The following A1CF variants were observed in gnomAD, a reference collection of about 807,000 sequenced individuals.
A1CF encodes the protein APOBEC-1 stimulating protein.
Under a neutral mutation model 68.9 loss-of-function variants are expected in A1CF, and 48 were observed. The observed-to-expected ratio is 0.70, with a 90% CI of 0.55 to 0.89. The LOEUF (loss-of-function observed/expected upper bound fraction) is 0.89, where lower values mean the gene tolerates loss of function less well. A1CF is among the 40% of genes least tolerant of loss of function. The pLI, the probability that A1CF is intolerant of heterozygous loss-of-function variation, is 0.00. For missense variants in A1CF, 653 were observed against 718.9 expected, an observed-to-expected ratio of 0.91 and a Z score of 1.05; for synonymous variants, 272 against 260.4, an observed-to-expected ratio of 1.04 and a Z score of -0.43.
intron 3 of A1CF, among the ~76,000 whole-genome samples, chr10:50,844,930 C>T (rs1010867197): frequency 2.0e-5 from 3 of 152,146 alleles, no homozygotes; most frequent in Non-Finnish European, 4.4e-5. Context: ...TTCATATACA[C>T]CAACTTGAGT....
At chr10:50,871,080 A>T (rs1302155497) in intron 1 of A1CF, among the ~76,000 whole-genome samples, 1 of 151,740 alleles carries the variant, frequency 6.6e-6, no homozygotes, top group Non-Finnish European at 1.5e-5. Context: ...AGAACAAAAC[A>T]TCCTTAAATT....
intron 7 of A1CF, among the ~76,000 whole-genome samples, chr10:50,827,124 G>T (rs1588985332): frequency 6.6e-6 from 1 of 151,980 alleles, no homozygotes; most frequent in Non-Finnish European, 1.5e-5. Context: ...AGTACCCAGA[G>T]TCATAAAGCA....
intron 1 of A1CF, among the ~76,000 whole-genome samples, chr10:50,869,079 C>A (rs1008401145): frequency 6.6e-6 from 1 of 151,972 alleles, no homozygotes; most frequent in Non-Finnish European, 1.5e-5. Flanking sequence ...GCACAACAAA[C>A]CCCCATGACA....
intron 9 of A1CF, among the ~76,000 whole-genome samples, chr10:50,814,865 G>A (rs1052891543): frequency 6.6e-6 from 1 of 151,980 alleles, no homozygotes; most frequent in Non-Finnish European, 1.5e-5. Flanking sequence ...TATTCTAAAT[G>A]CATAATGTTG....
chr10:50,813,992 G>A lies in A1CF; in HGVS notation c.1188C>T (p.Tyr396=). 2.5e-6 allele frequency: 4 copies of A among 1,613,816 alleles called. No homozygotes were observed. Among genetic ancestry groups the A allele is most frequent in the Non-Finnish European group, 3.4e-6 (4 of 1,179,848 alleles). Residue 396 remains tyrosine, a synonymous_variant, in exon 10 of 13, where the codon TAC becomes TAT. Coordinates refer to ENST00000373997, the MANE Select transcript of A1CF (RefSeq NM_014576.4). ...CCTGGTATCCTCGACCCAGGCCTGT[G>A]TATGCCAAATAGCCACGGCCGCCCA... ...RGLGGRGYLA[Y]TGLGRGYQVK...
At chr10:50,850,544 A>G in intron 3 of A1CF, 1 of 1,317,476 alleles carries the variant, frequency 7.6e-7, no homozygotes, top group Non-Finnish European at 1.1e-6. Context: ...AAATTACAAA[A>G]CAGAAAACTT....
intron 1 of A1CF, among the ~76,000 whole-genome samples, chr10:50,881,330 A>G (rs1322148255): frequency 1.3e-5 from 2 of 152,184 alleles, no homozygotes; most frequent in Non-Finnish European, 2.9e-5. Flanking sequence ...GTTAATGTCC[A>G]GTGAAGTTGG....
rs529564469 is a variant in A1CF at position 50,878,053 on chromosome 10, C to A, written c.-94+7528G>T. Among the ~76,000 whole-genome samples, 18 of 152,146 alleles carry A rather than the reference C, an allele frequency of 1.2e-4. 1 individual carries two copies. In the South Asian group the frequency reaches 2.9e-3, roughly 25 times the overall value. On this transcript the variant is annotated intron_variant, in intron 1 of 12. Coordinates refer to ENST00000373997, the MANE Select transcript of A1CF (RefSeq NM_014576.4). Reference sequence around the variant, plus strand: ...AGGAGAATCGCTTGAACCCGGGAAGCGGAGGTTGCAGTGAGCTGAGATCAC... The same window carrying A: ...AGGAGAATCGCTTGAACCCGGGAAGAGGAGGTTGCAGTGAGCTGAGATCAC...
intron 5 of A1CF, among the ~76,000 whole-genome samples, chr10:50,839,397 T>C (rs1839668580): frequency 6.6e-6 from 1 of 152,230 alleles, no homozygotes; most frequent in Non-Finnish European, 1.5e-5. Context: ...ATCATAAAAC[T>C]GTAATGTAGC....
At chr10:50,877,197 G>A (rs1443693561) in intron 1 of A1CF, among the ~76,000 whole-genome samples, 1 of 152,112 alleles carries the variant, frequency 6.6e-6, no homozygotes, top group Non-Finnish European at 1.5e-5. Flanking sequence ...TGGTAATCAT[G>A]GTATACAATG....
Position 50,816,197 on chromosome 10 carries a change from C to A in A1CF, c.950G>T (p.Gly317Val). The A allele has an allele frequency of 6.2e-7, 1 of 1,613,738 alleles. No homozygotes were observed. Among genetic ancestry groups the A allele is most frequent in the East Asian group, 2.2e-5 (1 of 44,826 alleles). Residue 317 changes from glycine to valine, a missense_variant, in exon 9 of 13, where the codon GGT becomes GTT. By Grantham distance (109) the Gly-to-Val change is moderately radical (BLOSUM62 -3). Coordinates refer to ENST00000373997, the MANE Select transcript of A1CF (RefSeq NM_014576.4). ...TCCTTGCAGCATGGTGCCCCTTCCA[C>A]CTGTGCCTCGGGTATACCTAACATA... ...DSYVRYTRGTGGRGTMLQGEY... is the reference protein window; with the variant it reads ...DSYVRYTRGTVGRGTMLQGEY...
intron 5 of A1CF, among the ~76,000 whole-genome samples, chr10:50,839,860 T>C (rs1839690539): frequency 6.6e-6 from 1 of 152,054 alleles, no homozygotes; most frequent in South Asian, 2.1e-4. Flanking sequence ...GCAATTCTCC[T>C]GCCTCCCGAG....
intron 3 of A1CF, among the ~76,000 whole-genome samples, chr10:50,849,792 T>C (rs1341323643): frequency 7.3e-6 from 1 of 137,352 alleles, no homozygotes; most frequent in African/African-American, 2.7e-5. Context: ...AATTCTTTTT[T>C]TTTTTTTTTT....
At chr10:50,869,800 G>T (rs997878980) in intron 1 of A1CF, among the ~76,000 whole-genome samples, 2 of 151,950 alleles carry the variant, frequency 1.3e-5, no homozygotes, top group African/African-American at 4.8e-5. Flanking sequence ...AATATGCTTT[G>T]ATTACACAAG....
intron 6 of A1CF, among the ~76,000 whole-genome samples, chr10:50,834,563 AG>A (rs1203557543): frequency 1.3e-5 from 2 of 152,260 alleles, no homozygotes; most frequent in African/African-American, 2.4e-5. Flanking sequence ...AATGAATAAA[AG>A]GTATTGAATA....
intron 10 of A1CF, among the ~76,000 whole-genome samples, chr10:50,812,879 T>A (rs1363361264): frequency 2.0e-5 from 3 of 152,234 alleles, no homozygotes; most frequent in African/African-American, 7.2e-5. Context: ...GGCATTTTTT[T>A]TAAAATTCCC....
chr10:50,856,531 C>A (rs1048752072), intron 3 of A1CF, among the ~76,000 whole-genome samples: 32 of 152,102 alleles, frequency 2.1e-4, no homozygotes, highest in African/African-American at 7.7e-4. Context: ...ATGTTTGTCA[C>A]ATGCTCTAGG....
At chr10:50,874,479 A>G (rs1460829110) in intron 1 of A1CF, among the ~76,000 whole-genome samples, 1 of 152,214 alleles carries the variant, frequency 6.6e-6, no homozygotes, top group Admixed American at 6.5e-5. Context: ...AACTTGAACT[A>G]TAAATGACAC....
intron 3 of A1CF, among the ~76,000 whole-genome samples, chr10:50,855,469 G>A (rs1840436169): frequency 6.6e-6 from 1 of 151,858 alleles, no homozygotes; most frequent in African/African-American, 2.4e-5. Flanking sequence ...ACAAGAGTAT[G>A]TATTAAATAC....
Sources: gnomAD v4.1 joint callset for allele counts (sites outside exome capture counted in the v4.1 genomes callset) on GRCh38, gnomAD v4.1.1 for gene constraint, MANE v1.5 for transcripts, NCBI Gene and HGNC (gene_info 2026-07-23, HGNC 2026-07-21) for gene names.